The following PKN2 variants were observed in gnomAD, a reference collection of about 807,000 sequenced individuals.
PKN2 encodes the protein serine/threonine-protein kinase N2.
In PKN2, 38 loss-of-function variants were observed where a neutral mutation model predicts 119.1. The observed-to-expected ratio is 0.32, with a 90% CI of 0.25 to 0.42. The LOEUF (loss-of-function observed/expected upper bound fraction) is 0.42. Among genes scored for constraint, PKN2 ranks in the 10% least tolerant of loss-of-function variants. The pLI, the probability that PKN2 is intolerant of heterozygous loss-of-function variation, is 1.00. For missense variants in PKN2, 850 were observed against 1,165.1 expected (o/e 0.73, Z 3.94); for synonymous variants, 390 against 384.9 (o/e 1.01, Z -0.15).
At chr1:88,742,744 C>A (rs971884966) in intron 2 of PKN2, among the ~76,000 whole-genome samples, 1 of 151,510 alleles carries the variant, frequency 6.6e-6, no homozygotes, top group Non-Finnish European at 1.5e-5. Context: ...TCTTTAGGAG[C>A]GGTCTAAAAT....
At chr1:88,801,771 C>A (rs559690250) in intron 8 of PKN2, among the ~76,000 whole-genome samples, 1 of 152,284 alleles carries the variant, frequency 6.6e-6, no homozygotes, top group African/African-American at 2.4e-5. Context: ...GAAAGCGTGC[C>A]CCTCGCAAAT....
At chr1:88,824,116 T>G (rs1351809794) in intron 17 of PKN2, among the ~76,000 whole-genome samples, 194 bp from the exon 18 acceptor site, 2 of 152,148 alleles carry the variant, frequency 1.3e-5, no homozygotes, top group African/African-American at 4.8e-5. Flanking sequence ...CTACCTTATA[T>G]AGAGTAATAA....
intron 1 of PKN2, among the ~76,000 whole-genome samples, chr1:88,694,616 C>A (rs1011494882): frequency 2.6e-5 from 4 of 152,128 alleles, no homozygotes; most frequent in Non-Finnish European, 5.9e-5. Flanking sequence ...TTTTCAACTC[C>A]TTTGGTTAAA....
intron 7 of PKN2, 74 bp downstream of exon 7, chr1:88,784,898 G>A: frequency 1.3e-6 from 1 of 781,312 alleles, no homozygotes; most frequent in South Asian, 3.1e-5. Flanking sequence ...AAGTGTTCAA[G>A]TTGGACAAAA....
intron 2 of PKN2, among the ~76,000 whole-genome samples, chr1:88,742,147 T>C (rs1410434097): frequency 1.3e-5 from 2 of 150,250 alleles, no homozygotes; most frequent in Non-Finnish European, 2.9e-5. Context: ...TAACTGTCAA[T>C]TTTTTTATTT....
Position 88,802,485 on chromosome 1 carries a change from C to T in PKN2, c.1282-1906C>T, listed in dbSNP as rs546546077. On this transcript the variant is annotated intron_variant, in intron 8 of 21. Transcript: ENST00000370521. ...GGACCACAGGTGCGTGCACCACGCC[C>T]GGCTAACTTTTGTATTTTTAGTAGA... Among the ~76,000 whole-genome samples the T allele has an allele frequency of 1.1e-4, 17 of 152,144 alleles. 1 individual carries two copies. The highest frequency in any genetic ancestry group is 6.5e-4 in the Admixed American group (10 of 15,270).
chr1:88,785,790 A>AAGAAAAACTGATTGATATTCACACAAAC (rs1670547333), intron 7 of PKN2, among the ~76,000 whole-genome samples: 2 of 152,234 alleles, frequency 1.3e-5, no homozygotes, highest in Non-Finnish European at 2.9e-5. Context: ...AAGATATAGA[A>AAGAAAAACTGATTGATATTCACACAAAC]AGAAAAACTG....
chr1:88,771,900 G>GT lies in PKN2; in HGVS notation c.985+27dup, dbSNP rs566630568. On this transcript the variant is annotated intron_variant, in intron 6 of 21. Transcript: ENST00000370521. Reference sequence around the variant, plus strand: ...AACAGGTATGTAGTGTATAGCCATTGTTTTTTGTGTGTATTTTTGTCTATA... The same window carrying GT: ...AACAGGTATGTAGTGTATAGCCATTGTTTTTTTGTGTGTATTTTTGTCTATA... The GT allele has an allele frequency of 2.6e-4, 388 of 1,510,912 alleles. 1 individual carries two copies. In the East Asian group the frequency reaches 7.0e-3, roughly 27 times the overall value. The allele number at this position is 1,510,912 out of a possible 1,614,324, so 93.6% of individuals were successfully genotyped here.
At chr1:88,747,175 A>G (rs1668803298) in intron 2 of PKN2, among the ~76,000 whole-genome samples, 1 of 152,160 alleles carries the variant, frequency 6.6e-6, no homozygotes, top group African/African-American at 2.4e-5. Context: ...GACAGGAGGA[A>G]TAAGTTCTGT....
At chr1:88,697,095 TAATA>T (rs1570488294) in intron 1 of PKN2, among the ~76,000 whole-genome samples, 3 of 152,256 alleles carry the variant, frequency 2.0e-5, no homozygotes, top group African/African-American at 7.2e-5. Context: ...TATTTTTGAT[TAATA>T]AATTTAGGGA....
chr1:88,769,901 A>G (rs1438360076), intron 3 of PKN2, among the ~76,000 whole-genome samples: 2 of 152,334 alleles, frequency 1.3e-5, no homozygotes, highest in Admixed American at 6.5e-5. Flanking sequence ...AGCGTGAACT[A>G]TAGTTAATAT....
At chr1:88,731,970 T>C (rs17130588) in intron 1 of PKN2, among the ~76,000 whole-genome samples, 2,180 of 152,328 alleles carry the variant, frequency 0.014, 49 homozygotes, top group African/African-American at 0.05. Flanking sequence ...TTCATTATTG[T>C]ACAAAGTAAA....
chr1:88,771,479 G>C lies in PKN2; in HGVS notation c.681G>C (p.Arg227Ser), dbSNP rs755033620. 3 of 1,609,894 alleles carry C rather than the reference G, an allele frequency of 1.9e-6. No individual in the cohort carries two copies. Among genetic ancestry groups the C allele is most frequent in the East Asian group, 2.2e-5 (1 of 44,616 alleles). The change falls in exon 5 of 22, where the codon AGG becomes AGC. Residue 227 changes from arginine to serine, a missense_variant. Physicochemically the swap from Arg to Ser is moderately radical, Grantham distance 110. Transcript: ENST00000370521. ...LRMEELRHHF[R>S]IEFAVAEGAK... is the part of the protein sequence containing the mutation. ...TGGAAGAATTAAGGCATCATTTTAG[G>C]ATAGAGTTTGCAGTAGCAGAAGGTG...
intron 1 of PKN2, among the ~76,000 whole-genome samples, chr1:88,704,386 T>C (rs139577635): frequency 2.3e-4 from 35 of 152,312 alleles, no homozygotes; most frequent in African/African-American, 7.2e-4. Flanking sequence ...AATTTATCTT[T>C]ACCTGTTGAT....
chr1:88,799,033 TAGA>T (rs1671206136), intron 8 of PKN2, among the ~76,000 whole-genome samples: 1 of 151,966 alleles, frequency 6.6e-6, no homozygotes, highest in Non-Finnish European at 1.5e-5. Flanking sequence ...AGATTAGAAA[TAGA>T]AGCTATATAT....
intron 1 of PKN2, among the ~76,000 whole-genome samples, chr1:88,696,242 G>A (rs1472757035): frequency 2.0e-5 from 3 of 152,006 alleles, no homozygotes; most frequent in Non-Finnish European, 4.4e-5. Flanking sequence ...CTGATTAACC[G>A]CCAAAACCTT....
At chr1:88,700,017 A>C (rs1026618103) in intron 1 of PKN2, among the ~76,000 whole-genome samples, 2 of 152,074 alleles carry the variant, frequency 1.3e-5, no homozygotes, top group Non-Finnish European at 2.9e-5. Context: ...TCCCAACCTC[A>C]GGTGATCCAC....
At chr1:88,707,270 G>A (rs991081884) in intron 1 of PKN2, among the ~76,000 whole-genome samples, 3 of 151,848 alleles carry the variant, frequency 2.0e-5, no homozygotes, top group South Asian at 2.1e-4. Context: ...TGCCTACTAC[G>A]TTTCCTTGCT....
chr1:88,699,677 A>G (rs1465576857), intron 1 of PKN2, among the ~76,000 whole-genome samples: 1 of 151,924 alleles, frequency 6.6e-6, no homozygotes, highest in Non-Finnish European at 1.5e-5. Flanking sequence ...ACACAATGGT[A>G]TTTGGTTTTT....
Sources: allele counts gnomAD v4.1 joint callset (sites outside exome capture counted in the v4.1 genomes callset), GRCh38; gene constraint gnomAD v4.1.1; transcripts MANE v1.5; gene names NCBI Gene and HGNC (gene_info 2026-07-23, HGNC 2026-07-21).